Variants in ARHGAP44 observed in about 807,000 individuals in gnomAD.
ARHGAP44 encodes the protein rho GTPase-activating protein 44.
In ARHGAP44, 43 loss-of-function variants were observed where a neutral mutation model predicts 106.8. The ratio of observed to expected loss-of-function variants is 0.40; its 90% CI spans 0.32 to 0.52. The LOEUF (loss-of-function observed/expected upper bound fraction) is 0.52, where lower values mean the gene tolerates loss of function less well. ARHGAP44 is among the 20% of genes least tolerant of loss of function. The pLI is 0.48. For missense variants in ARHGAP44, 866 were observed against 1,050.5 expected (o/e 0.82, Z 2.43); for synonymous variants, 439 against 410.3 (o/e 1.07, Z -0.85).
At chr17:12,892,225 T>C (rs781255803) in intron 1 of ARHGAP44, among the ~76,000 whole-genome samples, 4 of 152,230 alleles carry the variant, frequency 2.6e-5, no homozygotes, top group Non-Finnish European at 5.9e-5. Flanking sequence ...TAAAGGGTTC[T>C]AGGTTGACAG....
chr17:12,799,378 C>A (rs922402055), intron 1 of ARHGAP44, among the ~76,000 whole-genome samples: 1 of 152,162 alleles, frequency 6.6e-6, no homozygotes, highest in East Asian at 1.9e-4. Flanking sequence ...AGCTCTCCTC[C>A]GTGTGTGATT....
intron 18 of ARHGAP44, among the ~76,000 whole-genome samples, chr17:12,979,739 C>T (rs1439749826): frequency 1.3e-5 from 2 of 152,186 alleles, no homozygotes; most frequent in Admixed American, 6.5e-5. Flanking sequence ...TGGCAGGATA[C>T]GGTAGAGGTG....
intron 1 of ARHGAP44, among the ~76,000 whole-genome samples, chr17:12,882,243 G>T (rs147294621): frequency 2.0e-5 from 3 of 151,938 alleles, no homozygotes; most frequent in African/African-American, 7.3e-5. Flanking sequence ...TTTCTTTGCT[G>T]TATGGAATGA....
intron 1 of ARHGAP44, among the ~76,000 whole-genome samples, chr17:12,869,889 T>A (rs1260210722): frequency 2.0e-5 from 3 of 152,094 alleles, no homozygotes; most frequent in African/African-American, 7.2e-5. Flanking sequence ...CCATCCTTTT[T>A]AATATTGAAA....
intron 3 of ARHGAP44, among the ~76,000 whole-genome samples, chr17:12,907,874 T>A (rs1045597195): frequency 2.0e-5 from 3 of 152,192 alleles, no homozygotes; most frequent in African/African-American, 7.2e-5. Context: ...GCTTAACTTA[T>A]TGAGATACTA....
chr17:12,984,739 T>C lies in ARHGAP44; in HGVS notation c.2148T>C (p.Pro716=), dbSNP rs62000436. ...CTGCAGCTCCTCCCCTGGCCTCTCC[T>C]TCTGTCTTTACAAGCACTTTGAGCA... The part of the protein sequence containing the change: ...SPAAAPPLAS[P]SVFTSTLSKS... The change falls in exon 20 of 21, where the codon CCT becomes CCC. Residue 716 remains proline (P), a synonymous_variant. Transcript: ENST00000379672. 5.2e-3 allele frequency: 8,333 copies of C among 1,613,776 alleles called. 30 individuals carry two copies. Among genetic ancestry groups the C allele is most frequent in the Non-Finnish European group, 6.5e-3 (7,703 of 1,179,850 alleles).
intron 2 of ARHGAP44, 101 bp from the exon 3 acceptor site, chr17:12,896,306 T>G (rs1286302925): frequency 4.2e-6 from 4 of 952,426 alleles, no homozygotes; most frequent in Non-Finnish European, 6.3e-6. Context: ...CCAGGAGTCC[T>G]TGTCTCCATG....
At chr17:12,976,145 T>C (rs2039674993) in intron 18 of ARHGAP44, among the ~76,000 whole-genome samples, 1 of 152,118 alleles carries the variant, frequency 6.6e-6, no homozygotes, top group African/African-American at 2.4e-5. Flanking sequence ...TTTTGGAGAC[T>C]TTGGGAAGCT....
chr17:12,882,415 G>A (rs2036766626), intron 1 of ARHGAP44, among the ~76,000 whole-genome samples: 1 of 151,940 alleles, frequency 6.6e-6, no homozygotes, highest in Non-Finnish European at 1.5e-5. Context: ...TGTCAGTATA[G>A]GTTCTTCCCT....
chr17:12,795,014 A>T (rs2033877200), intron 1 of ARHGAP44, among the ~76,000 whole-genome samples: 1 of 152,192 alleles, frequency 6.6e-6, no homozygotes, highest in Non-Finnish European at 1.5e-5. Context: ...AATCAGAACC[A>T]ATTCCAAATT....
chr17:12,802,969 A>ATATATTT (rs1567621473), intron 1 of ARHGAP44, among the ~76,000 whole-genome samples: 1 of 40,848 alleles, frequency 2.4e-5, no homozygotes, highest in African/African-American at 8.2e-5. Context: ...ATATATATAT[A>ATATATTT]TTTTTTTTTT....
rs2039130468 is a variant in ARHGAP44 at position 12,956,507 on chromosome 17, C to T, written c.1251-148C>T. On this transcript the variant is annotated intron_variant, in intron 14 of 20. Transcript: ENST00000379672. ...AGAAGTTCAGAAAGGTGAAGATTCC[C>T]TCCCAAGAGAAAGTCTGCTCTCAAA... is the stretch of plus-strand genomic sequence containing the variant. 5 of 643,134 alleles carry T rather than the reference C, an allele frequency of 7.8e-6. No homozygotes were observed. The South Asian group carries it at 9.3e-5, about 12-fold the overall frequency. 39.8% of individuals were successfully genotyped at this position (643,134 alleles called of 1,614,324 possible). A position where few individuals can be genotyped will look rare whatever the true frequency, so the allele number is the denominator to read the frequency against.
chr17:12,957,651 G>C (rs1004208019), intron 15 of ARHGAP44, among the ~76,000 whole-genome samples: 18 of 152,096 alleles, frequency 1.2e-4, no homozygotes, highest in African/African-American at 4.1e-4. Context: ...CTAAGAGGGA[G>C]TTTCAGAGAT....
intron 1 of ARHGAP44, among the ~76,000 whole-genome samples, chr17:12,832,291 C>T (rs2035113153): frequency 6.6e-6 from 1 of 151,946 alleles, no homozygotes; most frequent in Non-Finnish European, 1.5e-5. Flanking sequence ...TGAAGCTGTC[C>T]TCTTGCACCA....
At chr17:12,930,438 A>T (rs989323940) in intron 7 of ARHGAP44, among the ~76,000 whole-genome samples, 1 of 152,058 alleles carries the variant, frequency 6.6e-6, no homozygotes, top group East Asian at 1.9e-4. Flanking sequence ...GGGTTTTACC[A>T]TATTGGCCAG....
chr17:12,902,832 G>A (rs183311616), intron 3 of ARHGAP44, among the ~76,000 whole-genome samples: 1 of 152,326 alleles, frequency 6.6e-6, no homozygotes, highest in African/African-American at 2.4e-5. Context: ...CAGCAGGGTT[G>A]TTTGAGAGGT....
chr17:12,850,269 C>G (rs1344572959), intron 1 of ARHGAP44, among the ~76,000 whole-genome samples: 1 of 152,200 alleles, frequency 6.6e-6, no homozygotes, highest in Non-Finnish European at 1.5e-5. Context: ...GGGGCCAAGT[C>G]AGACTTTCAT....
intron 7 of ARHGAP44, among the ~76,000 whole-genome samples, chr17:12,939,915 T>C (rs1005517200): frequency 6.6e-6 from 1 of 152,250 alleles, no homozygotes; most frequent in Non-Finnish European, 1.5e-5. Flanking sequence ...CAAGAACTCT[T>C]GAATGATGTT....
chr17:12,856,363 G>C lies in ARHGAP44; in HGVS notation c.54-38577G>C, dbSNP rs76050729. On this transcript the variant is annotated intron_variant, in intron 1 of 20. Coordinates refer to ENST00000379672, the MANE Select transcript of ARHGAP44 (RefSeq NM_014859.6). The stretch of plus-strand genomic sequence containing the variant: ...GGCTGCTTCCAGAGGTTTTAGGGCA[G>C]ATGAATCTCAAGTCTGTTGAGCATG... Among the ~76,000 whole-genome samples the C allele has an allele frequency of 3.5e-3, 532 of 152,288 alleles. 18 individuals carry two copies. The South Asian group carries it at 0.058, about 17-fold the overall frequency.
Sources: allele counts gnomAD v4.1 joint callset (sites outside exome capture counted in the v4.1 genomes callset), GRCh38; gene constraint gnomAD v4.1.1; transcripts MANE v1.5; gene names NCBI Gene and HGNC (gene_info 2026-07-23, HGNC 2026-07-21).